Variants in RRAGD observed in about 807,000 individuals in gnomAD.
RRAGD encodes ras-related GTP-binding protein D.
Under a neutral mutation model 35.5 loss-of-function variants are expected in RRAGD, and 12 were observed. The observed-to-expected ratio is 0.34, with a 90% CI of 0.22 to 0.55. The LOEUF (loss-of-function observed/expected upper bound fraction) is 0.55. Ranked by LOEUF, RRAGD falls within the 20% of genes least tolerant of loss-of-function variation. RRAGD has a pLI of 0.91. For synonymous variants in RRAGD, 155 were observed against 178.9 expected (o/e 0.87, Z 1.07); for missense variants, 324 against 490.1 (o/e 0.66, Z 3.20).
At chr6:89,378,966 G>A (rs369419087) in intron 4 of RRAGD, among the ~76,000 whole-genome samples, 10 of 152,138 alleles carry the variant, frequency 6.6e-5, no homozygotes, top group African/African-American at 1.9e-4. Context: ...ATCTCACTAT[G>A]TTACCTAAAC....
At position 89,396,961 on chromosome 6, in the gene RRAGD, G is replaced by A. The variant is rs529573208; in HGVS notation, c.149-9371C>T. Among the ~76,000 whole-genome samples the A allele has an allele frequency of 1.0e-3, 153 of 151,590 alleles. 2 individuals carry two copies. The highest frequency in any genetic ancestry group is 3.6e-3 in the African/African-American group (147 of 41,310). On this transcript the variant is annotated intron_variant, in intron 1 of 6. Transcript: ENST00000369415. ...TCACCATGTCGGCCAGGCTGGTCTC[G>A]AACTCCTGACTTCAAGTGATCCACC...
At position 89,367,444 on chromosome 6, in the gene RRAGD, A is replaced by G. The variant is rs1481069892; in HGVS notation, c.*612T>C. The G allele has an allele frequency of 6.6e-6, 1 of 152,204 alleles. No homozygotes were observed. The allele number at this position is 152,204 out of a possible 1,614,324, so 9.4% of individuals were successfully genotyped here. A position where few individuals can be genotyped will look rare whatever the true frequency, so the allele number is the denominator to read the frequency against. On this transcript the variant is annotated 3_prime_UTR_variant, in exon 7 of 7. Transcript: ENST00000369415. The stretch of plus-strand genomic sequence containing the variant: ...GCCACTGCTATAGAAATTTTTAGGT[A>G]AGTCTGGTGCTAGCATTATTCTACA...
chr6:89,402,426 G>A (rs531395595), intron 1 of RRAGD, among the ~76,000 whole-genome samples: 4 of 152,178 alleles, frequency 2.6e-5, no homozygotes, highest in Non-Finnish European at 4.4e-5. Context: ...ACTCCCTTGC[G>A]GGTCCCAGTA....
rs1304339173 is a variant in RRAGD at position 89,364,899 on chromosome 6, TA to T, written c.*3156del. 2.6e-5 allele frequency: 4 copies of T among 152,244 alleles called. No homozygotes were observed. Among genetic ancestry groups the T allele is most frequent in the Non-Finnish European group, 5.9e-5 (4 of 68,032 alleles). The allele number at this position is 152,244 out of a possible 1,614,324, so 9.4% of individuals were successfully genotyped here. ...GGACACATGCTTTTAAATTGGCAGTTAACATTCTTGAAAGCAATGGCTTAAC... is the reference window on the plus strand; with the variant it reads ...GGACACATGCTTTTAAATTGGCAGTTACATTCTTGAAAGCAATGGCTTAAC... On this transcript the variant is annotated 3_prime_UTR_variant, in exon 7 of 7. Transcript: ENST00000369415.
At chr6:89,409,036 G>T (rs1402226859) in intron 1 of RRAGD, among the ~76,000 whole-genome samples, 8 of 152,074 alleles carry the variant, frequency 5.3e-5, no homozygotes, top group Non-Finnish European at 1.0e-4. Context: ...GAACACTTTT[G>T]CTATTCATGA....
Position 89,403,634 on chromosome 6 carries a change from T to C in RRAGD, c.148+8212A>G, listed in dbSNP as rs1242553107. Among the ~76,000 whole-genome samples the C allele has an allele frequency of 2.8e-3, 408 of 147,222 alleles. 1 individual carries two copies. Among genetic ancestry groups the C allele is most frequent in the African/African-American group, 9.4e-3 (376 of 40,088 alleles). On this transcript the variant is annotated intron_variant, in intron 1 of 6. Coordinates refer to ENST00000369415, the MANE Select transcript of RRAGD (RefSeq NM_021244.5). Reference sequence around the variant, plus strand: ...CTGATTGGTTTTCTTTTTCTTTTTTTTTTTTTTTTTTTGAGAGAGAGGGTC... The same window carrying C: ...CTGATTGGTTTTCTTTTTCTTTTTTCTTTTTTTTTTTTGAGAGAGAGGGTC...
At chr6:89,397,699 T>TA (rs905432306) in intron 1 of RRAGD, among the ~76,000 whole-genome samples, 2 of 152,042 alleles carry the variant, frequency 1.3e-5, no homozygotes, top group Non-Finnish European at 2.9e-5. Flanking sequence ...ATCTCAGCAA[T>TA]AAAAAAATAA....
intron 1 of RRAGD, among the ~76,000 whole-genome samples, chr6:89,388,136 C>T (rs1426757472): frequency 6.6e-6 from 1 of 152,208 alleles, no homozygotes; most frequent in Non-Finnish European, 1.5e-5. Context: ...TTGTGTTACA[C>T]AGCAGATGCA....
intron 2 of RRAGD, among the ~76,000 whole-genome samples, chr6:89,386,607 G>A (rs1297736966): frequency 6.6e-6 from 1 of 152,186 alleles, no homozygotes; most frequent in Non-Finnish European, 1.5e-5. Context: ...GAAGGAATCT[G>A]AATAGCAGTA....
intron 1 of RRAGD, among the ~76,000 whole-genome samples, chr6:89,399,938 G>A (rs1250739656): frequency 1.3e-5 from 2 of 152,056 alleles, no homozygotes; most frequent in African/African-American, 4.8e-5. Context: ...CACCGGCCCA[G>A]TGAGGGAGCA....
chr6:89,377,793 T>C lies in RRAGD; in HGVS notation c.780A>G (p.Ala260=), dbSNP rs1768971828. ...TTTTACTGACCACATCAAATAGAAA[T>C]GCCTTTTCAATTCCAGAATTCTGAA... The part of the protein sequence containing the change: ...IFISNSGIEK[A]FLFDVVSKIY... Residue 260 remains alanine (A), a synonymous_variant, in exon 5 of 7, where the codon GCA becomes GCG. Coordinates refer to ENST00000369415, the MANE Select transcript of RRAGD (RefSeq NM_021244.5). 3 of 1,595,916 alleles carry C rather than the reference T, an allele frequency of 1.9e-6. No individual in the cohort carries two copies. The highest frequency in any genetic ancestry group is 3.7e-5 in the Admixed American group (2 of 54,472).
At chr6:89,402,106 G>A (rs894291243) in intron 1 of RRAGD, among the ~76,000 whole-genome samples, 12 of 138,000 alleles carry the variant, frequency 8.7e-5, no homozygotes, top group African/African-American at 3.4e-4. Flanking sequence ...AGAGTGTAGT[G>A]GTGCAATCTC....
At chr6:89,391,956 C>CAAAAAA (rs5878093) in intron 1 of RRAGD, among the ~76,000 whole-genome samples, 4 of 99,128 alleles carry the variant, frequency 4.0e-5, no homozygotes, top group African/African-American at 1.2e-4. Context: ...GACCCTATCT[C>CAAAAAA]AAAAAAAAAA....
intron 2 of RRAGD, among the ~76,000 whole-genome samples, chr6:89,384,442 T>A (rs1582511395): frequency 2.0e-5 from 3 of 152,262 alleles, no homozygotes; most frequent in Admixed American, 2.0e-4. Context: ...CTCCTGGGCC[T>A]AAGTGGTCCT....
Position 89,375,170 on chromosome 6 carries a change from C to A in RRAGD, c.902+2501G>T, listed in dbSNP as rs143819349. On this transcript the variant is annotated intron_variant, in intron 5 of 6. Coordinates refer to ENST00000369415, the MANE Select transcript of RRAGD (RefSeq NM_021244.5). ...TAAAAATTACACATGGAAATAAGAACAAACTATATAAAATGTAAACACTGA... is the reference window on the plus strand; with the variant it reads ...TAAAAATTACACATGGAAATAAGAAAAAACTATATAAAATGTAAACACTGA... Among the ~76,000 whole-genome samples the A allele has an allele frequency of 2.6e-4, 40 of 151,970 alleles. No homozygotes were observed. In the East Asian group the frequency reaches 6.0e-3, roughly 23 times the overall value.
chr6:89,396,250 C>T (rs561528167), intron 1 of RRAGD, among the ~76,000 whole-genome samples: 87 of 151,830 alleles, frequency 5.7e-4, no homozygotes, highest in Non-Finnish European at 9.7e-4. Context: ...AGCAGCAACT[C>T]TCAAAAAAAA....
At chr6:89,370,671 C>A (rs9344932) in intron 6 of RRAGD, among the ~76,000 whole-genome samples, 6,153 of 151,976 alleles carry the variant, frequency 0.04, 366 homozygotes, top group East Asian at 0.27. Context: ...AATCTAGAAA[C>A]AACATAGATG....
intron 1 of RRAGD, among the ~76,000 whole-genome samples, chr6:89,399,369 A>G (rs1769405374): frequency 6.6e-6 from 1 of 152,218 alleles, no homozygotes; most frequent in South Asian, 2.1e-4. Context: ...ACCAACCATT[A>G]AACAGCTGAG....
Position 89,368,116 on chromosome 6 carries a change from C to G in RRAGD, c.1143G>C (p.Gln381His). Reference sequence around the variant, plus strand: ...CTCTCTTTTTCTTCTGCAGCCGATTCTGAACCTTTCGAGATTTTACTACTT... The same window carrying G: ...CTCTCTTTTTCTTCTGCAGCCGATTGTGAACCTTTCGAGATTTTACTACTT... The part of the protein sequence containing the change: ...RMKVVKSRKV[Q>H]NRLQKKKRAT... Residue 381 changes from glutamine to histidine, a missense_variant, in exon 7 of 7, where the codon CAG becomes CAC. By Grantham distance (24) the Gln-to-His change is conservative (BLOSUM62 0). Around this residue, in one of 5 missense-constraint regions of RRAGD, gnomAD observed 68 missense variants for 76.8 expected, o/e 0.89. Coordinates refer to ENST00000369415, the MANE Select transcript of RRAGD (RefSeq NM_021244.5). 1 of 1,614,042 alleles carries G rather than the reference C, an allele frequency of 6.2e-7. No individual in the cohort carries two copies. Among genetic ancestry groups the G allele is most frequent in the Non-Finnish European group, 8.5e-7 (1 of 1,179,948 alleles).
Sources: allele counts gnomAD v4.1 joint callset (sites outside exome capture counted in the v4.1 genomes callset), GRCh38; gene constraint gnomAD v4.1.1; regional missense constraint gnomAD v4.1.1; transcripts MANE v1.5; gene names NCBI Gene and HGNC (gene_info 2026-07-23, HGNC 2026-07-21).